LMBRD1: variants seen among roughly 807,000 people sequenced by gnomAD.
LMBRD1 encodes LMBR1 domain containing 1.
In LMBRD1, 64 loss-of-function variants were observed where a neutral mutation model predicts 74.8. That is an observed-to-expected ratio of 0.86 (90% CI 0.70 to 1.05). The LOEUF is 1.05. Among genes scored for constraint, LMBRD1 ranks in the 50% least tolerant of loss-of-function variants. LMBRD1 has a pLI of 0.00. For synonymous variants in LMBRD1, 204 were observed against 216.3 expected (o/e 0.94, Z 0.50); for missense variants, 652 against 645.9 (o/e 1.01, Z -0.10).
intron 3 of LMBRD1, among the ~76,000 whole-genome samples, chr6:69,762,740 TG>T (rs1765397540): frequency 6.6e-6 from 1 of 152,152 alleles, no homozygotes; most frequent in African/African-American, 2.4e-5. Context: ...ATGGGACTGG[TG>T]TCCTTAGAAG....
At chr6:69,765,526 T>C (rs966328972) in intron 3 of LMBRD1, among the ~76,000 whole-genome samples, 2 of 152,204 alleles carry the variant, frequency 1.3e-5, no homozygotes, top group African/African-American at 4.8e-5. Flanking sequence ...TATTATGTTT[T>C]GAGATCTGAG....
At chr6:69,677,669 C>T (rs558921590) in intron 14 of LMBRD1, among the ~76,000 whole-genome samples, 4 of 152,186 alleles carry the variant, frequency 2.6e-5, no homozygotes, top group African/African-American at 4.8e-5. Flanking sequence ...CTCACGGCAG[C>T]TCAAGCTTGA....
intron 14 of LMBRD1, among the ~76,000 whole-genome samples, chr6:69,686,460 G>A (rs1366650958): frequency 2.0e-4 from 30 of 151,734 alleles, no homozygotes; most frequent in Admixed American, 2.0e-3. Context: ...AAGTCAAGTA[G>A]GCCCAAAGGA....
intron 14 of LMBRD1, among the ~76,000 whole-genome samples, chr6:69,679,254 G>C (rs1765612961): frequency 6.6e-6 from 1 of 152,072 alleles, no homozygotes; most frequent in Non-Finnish European, 1.5e-5. Context: ...CCTTTAAGCA[G>C]CATTAGCTGG....
intron 7 of LMBRD1, among the ~76,000 whole-genome samples, chr6:69,725,421 T>A (rs568919023): frequency 2.6e-5 from 4 of 151,260 alleles, no homozygotes; most frequent in Non-Finnish European, 5.9e-5. Context: ...AGACCCAGAA[T>A]ACCAAAGCTA....
intron 3 of LMBRD1, among the ~76,000 whole-genome samples, chr6:69,766,823 T>A (rs1012846613): frequency 5.3e-5 from 8 of 151,722 alleles, no homozygotes; most frequent in African/African-American, 1.9e-4. Context: ...ATTCTTCACA[T>A]ATTTCTTGTG....
chr6:69,769,170 A>G (rs557251680), intron 3 of LMBRD1, among the ~76,000 whole-genome samples: 7 of 152,064 alleles, frequency 4.6e-5, no homozygotes, highest in Non-Finnish European at 7.4e-5. Context: ...GCTGACCCAC[A>G]GATCTCTGTG....
intron 6 of LMBRD1, among the ~76,000 whole-genome samples, 178 bp from the exon 7 acceptor site, chr6:69,738,193 T>C (rs542166934): frequency 6.6e-6 from 1 of 152,298 alleles, no homozygotes; most frequent in African/African-American, 2.4e-5. Flanking sequence ...TAAAGGACTC[T>C]TTAAAAATTG....
chr6:69,790,107 AAT>A (rs1183316406), intron 2 of LMBRD1, among the ~76,000 whole-genome samples, 187 bp downstream of exon 2: 2 of 152,272 alleles, frequency 1.3e-5, no homozygotes, highest in Admixed American at 1.3e-4. Flanking sequence ...CGGCTGAATT[AAT>A]AGTTCTTATG....
At chr6:69,750,215 C>T (rs142754116) in intron 4 of LMBRD1, among the ~76,000 whole-genome samples, 6 of 150,892 alleles carry the variant, frequency 4.0e-5, no homozygotes, top group African/African-American at 1.2e-4. Context: ...CTGATAAGAA[C>T]GTCACATATG....
At chr6:69,766,533 G>A (rs1414078882) in intron 3 of LMBRD1, among the ~76,000 whole-genome samples, 2 of 151,774 alleles carry the variant, frequency 1.3e-5, no homozygotes, top group African/African-American at 4.8e-5. Flanking sequence ...CTTTTTATAT[G>A]ACACTGGATT....
intron 3 of LMBRD1, among the ~76,000 whole-genome samples, chr6:69,754,273 G>A (rs1455677061): frequency 6.9e-6 from 1 of 144,562 alleles, no homozygotes; most frequent in African/African-American, 2.8e-5. Flanking sequence ...CACTTGAAAT[G>A]GTTAAGATGG....
chr6:69,732,965 G>A (rs1337244017), intron 7 of LMBRD1, among the ~76,000 whole-genome samples: 2 of 152,136 alleles, frequency 1.3e-5, no homozygotes, highest in Non-Finnish European at 2.9e-5. Context: ...CTAATATGCT[G>A]TTTGACCTCC....
intron 9 of LMBRD1, among the ~76,000 whole-genome samples, chr6:69,707,956 C>A (rs1291532729): frequency 6.6e-6 from 1 of 152,012 alleles, no homozygotes; most frequent in African/African-American, 2.4e-5. Flanking sequence ...TATTCCAAAT[C>A]ATAGACTGAG....
rs549542334 is a variant in LMBRD1 at position 69,720,743 on chromosome 6, C to G, written c.637-1662G>C. ...AAAACCACATTTTAATATCTACACA[C>G]AGAAAAGTACTGTCACAAGAACCAA... On this transcript the variant is annotated intron_variant, in intron 7 of 15. Transcript: ENST00000649934. 1.9e-3 allele frequency among the ~76,000 whole-genome samples: 287 copies of G among 152,252 alleles called. 2 individuals are homozygous for G. The highest frequency in any genetic ancestry group is 6.5e-3 in the African/African-American group (268 of 41,550).
intron 9 of LMBRD1, among the ~76,000 whole-genome samples, chr6:69,708,377 A>C (rs1407943969): frequency 6.6e-6 from 1 of 152,202 alleles, no homozygotes; most frequent in Non-Finnish European, 1.5e-5. Context: ...CAGCAGCTGC[A>C]ATTTTCTGAG....
At chr6:69,722,045 T>A (rs1487484756) in intron 7 of LMBRD1, among the ~76,000 whole-genome samples, 2 of 152,104 alleles carry the variant, frequency 1.3e-5, no homozygotes, top group Admixed American at 6.6e-5. Context: ...TAGCCACAGA[T>A]CATCAGGTAA....
chr6:69,769,523 T>C (rs758947116), intron 3 of LMBRD1, among the ~76,000 whole-genome samples: 1 of 152,160 alleles, frequency 6.6e-6, no homozygotes, highest in Non-Finnish European at 1.5e-5. Context: ...TTCCTTAGCA[T>C]TGTTCATGTT....
At chr6:69,737,248 C>T (rs911259085) in intron 7 of LMBRD1, among the ~76,000 whole-genome samples, 1 of 152,010 alleles carries the variant, frequency 6.6e-6, no homozygotes, top group Non-Finnish European at 1.5e-5. Context: ...ATTAATGCTG[C>T]TTATACAACT....
Sources: allele counts gnomAD v4.1 joint callset (sites outside exome capture counted in the v4.1 genomes callset), GRCh38; gene constraint gnomAD v4.1.1; transcripts MANE v1.5; gene names NCBI Gene and HGNC (gene_info 2026-07-23, HGNC 2026-07-21).